METTL24: variants seen among roughly 807,000 people sequenced by gnomAD.
The protein encoded by METTL24 is methyltransferase like 24, also known as probable methyltransferase-like protein 24.
A neutral mutation model predicts 32.7 loss-of-function variants in METTL24; 29 were observed. The ratio of observed to expected loss-of-function variants is 0.89; its 90% CI spans 0.66 to 1.21. The LOEUF (loss-of-function observed/expected upper bound fraction) is 1.21, where lower values mean the gene tolerates loss of function less well. METTL24 is among the 50% of genes most tolerant of loss of function. METTL24 has a pLI of 0.00. For missense variants in METTL24, 439 were observed against 468.1 expected (o/e 0.94, Z 0.57); for synonymous variants, 163 against 179.5 (o/e 0.91, Z 0.73).
intron 4 of METTL24, among the ~76,000 whole-genome samples, chr6:110,264,515 C>T (rs1315160623): frequency 1.3e-5 from 2 of 152,194 alleles, no homozygotes; most frequent in Non-Finnish European, 2.9e-5. Context: ...CACTTTTACA[C>T]TGTTGGTGGG....
In METTL24 at chr6:110,293,879, T is replaced by C. The variant is rs60962759; in HGVS notation, c.786+5043A>G. 6.8e-3 allele frequency among the ~76,000 whole-genome samples: 1,035 copies of C among 152,058 alleles called. 9 individuals carry two copies. Among genetic ancestry groups the C allele is most frequent in the African/African-American group, 0.024 (984 of 41,508 alleles). ...TCTATCTCAAAATGTGCAGTTTTTT[T>C]TTAAAGAGCTCTAATCTTTTTTTTT... On this transcript the variant is annotated intron_variant, in intron 4 of 4. Transcript: ENST00000338882.
chr6:110,265,792 T>C (rs1770846164), intron 4 of METTL24, among the ~76,000 whole-genome samples: 1 of 150,656 alleles, frequency 6.6e-6, no homozygotes, highest in African/African-American at 2.5e-5. Context: ...ACTACCTCCC[T>C]CCAGAGTTCT....
chr6:110,312,886 CCA>C (rs1249236887), intron 3 of METTL24, among the ~76,000 whole-genome samples: 2 of 152,222 alleles, frequency 1.3e-5, no homozygotes, highest in Admixed American at 1.3e-4. Flanking sequence ...AAAGTACACT[CCA>C]CAGTGTGGGA....
At chr6:110,285,230 G>A (rs554257344) in intron 4 of METTL24, among the ~76,000 whole-genome samples, 2 of 152,198 alleles carry the variant, frequency 1.3e-5, no homozygotes, top group African/African-American at 4.8e-5. Context: ...TGATTTTAAA[G>A]AGAAGTTCTT....
At chr6:110,247,010 C>G (rs1469651310) in intron 4 of METTL24, among the ~76,000 whole-genome samples, 1 of 150,324 alleles carries the variant, frequency 6.7e-6, no homozygotes, top group Non-Finnish European at 1.5e-5. Flanking sequence ...AGTTCACATT[C>G]AAGTGAGACA....
intron 4 of METTL24, among the ~76,000 whole-genome samples, chr6:110,277,239 A>G (rs768147981): frequency 1.2e-4 from 19 of 152,118 alleles, no homozygotes; most frequent in Non-Finnish European, 2.1e-4. Context: ...CCCCAATTTG[A>G]TCTTATTTCC....
At chr6:110,281,998 C>A (rs190037145) in intron 4 of METTL24, among the ~76,000 whole-genome samples, 31 of 152,242 alleles carry the variant, frequency 2.0e-4, no homozygotes, top group African/African-American at 6.7e-4. Flanking sequence ...TAAATACTTA[C>A]ACCCAGGAGA....
chr6:110,256,049 C>T (rs941122471), intron 4 of METTL24, among the ~76,000 whole-genome samples: 3 of 151,986 alleles, frequency 2.0e-5, no homozygotes, highest in African/African-American at 7.3e-5. Context: ...TGAGAAGAAA[C>T]TAGGAATAAA....
chr6:110,326,197 C>T (rs1772013598), intron 1 of METTL24, among the ~76,000 whole-genome samples: 1 of 152,198 alleles, frequency 6.6e-6, no homozygotes, highest in African/African-American at 2.4e-5. Flanking sequence ...GCCCCATACC[C>T]AGGAGGAAGA....
intron 4 of METTL24, among the ~76,000 whole-genome samples, chr6:110,249,461 T>C (rs953042937): frequency 1.4e-5 from 2 of 145,062 alleles, no homozygotes; most frequent in Non-Finnish European, 3.0e-5. Flanking sequence ...CTTCTCTGCC[T>C]TCTGACCTGA....
chr6:110,278,273 C>T (rs1379396110), intron 4 of METTL24, among the ~76,000 whole-genome samples: 2 of 152,130 alleles, frequency 1.3e-5, no homozygotes, highest in Non-Finnish European at 2.9e-5. Context: ...ATGTTCCTTG[C>T]TAATGCCTCA....
chr6:110,316,705 G>T (rs1771825489), intron 2 of METTL24, among the ~76,000 whole-genome samples: 1 of 152,158 alleles, frequency 6.6e-6, no homozygotes, highest in Non-Finnish European at 1.5e-5. Flanking sequence ...AGACCAGTCT[G>T]GGCAACATGG....
In METTL24 at chr6:110,284,957, G is replaced by T. The variant is rs144766192; in HGVS notation, c.786+13965C>A. ...GCAAGCATGAGTTGGTGGCCCACAG[G>T]TTATTAATCAGCTGGCCTCTGGGGC... On this transcript the variant is annotated intron_variant, in intron 4 of 4. Coordinates refer to ENST00000338882, the MANE Select transcript of METTL24 (RefSeq NM_001123364.3). Among the ~76,000 whole-genome samples the T allele has an allele frequency of 3.4e-4, 52 of 152,344 alleles. No homozygotes were observed. The East Asian group carries it at 7.5e-3, about 22-fold the overall frequency.
intron 4 of METTL24, among the ~76,000 whole-genome samples, chr6:110,274,407 G>A: frequency 6.6e-6 from 1 of 152,142 alleles, no homozygotes; most frequent in South Asian, 2.1e-4. Context: ...AGTAACTCAG[G>A]AATGGAAAAC....
intron 4 of METTL24, among the ~76,000 whole-genome samples, chr6:110,255,283 T>C (rs1314688628): frequency 6.6e-6 from 1 of 152,180 alleles, no homozygotes; most frequent in Non-Finnish European, 1.5e-5. Context: ...TCTTTTTTTC[T>C]GGCCAGATAT....
At chr6:110,328,903 A>T (rs1016501272) in intron 1 of METTL24, among the ~76,000 whole-genome samples, 8 of 152,168 alleles carry the variant, frequency 5.3e-5, no homozygotes, top group Non-Finnish European at 1.0e-4. Flanking sequence ...CCATATCCTC[A>T]CACCCATGAA....
At chr6:110,273,495 T>A (rs1337889157) in intron 4 of METTL24, among the ~76,000 whole-genome samples, 2 of 151,340 alleles carry the variant, frequency 1.3e-5, no homozygotes, top group African/African-American at 4.9e-5. Flanking sequence ...AAATCCAGAA[T>A]CTACAAGGAA....
At chr6:110,357,435 T>TGA (rs1171212252) in intron 1 of METTL24, 8 of 152,198 alleles carry the variant, frequency 5.3e-5, no homozygotes, top group African/African-American at 4.8e-5. Flanking sequence ...ACGCCTGGAA[T>TGA]GAGACTCCAG....
Position 110,271,826 on chromosome 6 carries a change from T to G in METTL24, c.787-25566A>C, listed in dbSNP as rs114398043. ...TCCTGGGGAAATAATAAATCGCTGA[T>G]AGTGCAAAAACAGATTTCATTGTTT... On this transcript the variant is annotated intron_variant, in intron 4 of 4. Transcript: ENST00000338882. 4.3e-3 allele frequency among the ~76,000 whole-genome samples: 662 copies of G among 152,292 alleles called. 6 individuals are homozygous for G. Among genetic ancestry groups the G allele is most frequent in the African/African-American group, 0.015 (633 of 41,562 alleles).
Sources: gnomAD v4.1 joint callset for allele counts (sites outside exome capture counted in the v4.1 genomes callset) on GRCh38, gnomAD v4.1.1 for gene constraint, MANE v1.5 for transcripts, NCBI Gene and HGNC (gene_info 2026-07-23, HGNC 2026-07-21) for gene names.